The following FAF1 variants were observed in gnomAD, a reference collection of about 807,000 sequenced individuals.
The protein encoded by FAF1 is Fas associated factor 1, also known as FAS-associated factor 1.
Under a neutral mutation model 92.5 loss-of-function variants are expected in FAF1, and 25 were observed. The ratio of observed to expected loss-of-function variants is 0.27; its 90% CI spans 0.20 to 0.38. The LOEUF is 0.38. Ranked by LOEUF, FAF1 falls within the 10% of genes least tolerant of loss-of-function variation. The pLI is 1.00. For missense variants in FAF1, 636 were observed against 793.3 expected (o/e 0.80, Z 2.38); for synonymous variants, 234 against 273.2 (o/e 0.86, Z 1.42).
intron 4 of FAF1, among the ~76,000 whole-genome samples, chr1:50,760,280 A>T (rs1034598509): frequency 6.6e-6 from 1 of 152,192 alleles, no homozygotes; most frequent in Non-Finnish European, 1.5e-5. Flanking sequence ...CAGATCAACG[A>T]GACAGAAAGT....
At chr1:50,746,273 TATATATATATATATATA>T (rs1239313854) in intron 4 of FAF1, among the ~76,000 whole-genome samples, 14 of 19,908 alleles carry the variant, frequency 7.0e-4, no homozygotes, top group African/African-American at 2.9e-3. Context: ...TATATATATA[TATATATATATATATATA>T]TATTTTTTTT....
intron 7 of FAF1, among the ~76,000 whole-genome samples, chr1:50,703,242 T>C (rs1261177842): frequency 6.6e-6 from 1 of 152,130 alleles, no homozygotes; most frequent in Non-Finnish European, 1.5e-5. Flanking sequence ...AACTACAAAA[T>C]AGTTTCACAA....
intron 15 of FAF1, among the ~76,000 whole-genome samples, chr1:50,506,712 T>C (rs1181012592): frequency 1.3e-5 from 2 of 152,224 alleles, no homozygotes; most frequent in African/African-American, 2.4e-5. Context: ...TTACTATACA[T>C]ACCCTTCTAA....
chr1:50,466,178 T>C (rs1026920781), intron 18 of FAF1, among the ~76,000 whole-genome samples: 2 of 152,134 alleles, frequency 1.3e-5, no homozygotes, highest in Non-Finnish European at 2.9e-5. Context: ...GTAGAGGTAG[T>C]GAGAAGTAGA....
intron 2 of FAF1, among the ~76,000 whole-genome samples, chr1:50,840,421 A>T (rs1226419584): frequency 6.6e-6 from 1 of 151,978 alleles, no homozygotes; most frequent in Non-Finnish European, 1.5e-5. Context: ...AGAAAATCCA[A>T]ATATAATGCA....
chr1:50,608,713 G>C (rs990139717), intron 8 of FAF1, among the ~76,000 whole-genome samples: 2 of 152,198 alleles, frequency 1.3e-5, no homozygotes, highest in Non-Finnish European at 2.9e-5. Context: ...ATGTGTCATT[G>C]TAAGGTAACT....
intron 15 of FAF1, among the ~76,000 whole-genome samples, chr1:50,496,811 C>T (rs1453326364): frequency 1.3e-5 from 2 of 151,690 alleles, no homozygotes; most frequent in African/African-American, 4.9e-5. Flanking sequence ...ATTGCTTGAA[C>T]CTGGGAGGAA....
intron 8 of FAF1, 92 bp downstream of exon 8, chr1:50,655,350 G>C (rs1655058915): frequency 1.2e-6 from 1 of 853,384 alleles, no homozygotes; most frequent in Admixed American, 1.8e-5. Flanking sequence ...AAGACTCAAA[G>C]CATTTAATTG....
chr1:50,905,296 T>C (rs1051173863), intron 1 of FAF1, among the ~76,000 whole-genome samples: 3 of 152,234 alleles, frequency 2.0e-5, no homozygotes, highest in African/African-American at 7.2e-5. Flanking sequence ...TTGATGGACA[T>C]TTGGGTTGGT....
At chr1:50,569,044 C>T (rs1470466152) in intron 12 of FAF1, among the ~76,000 whole-genome samples, 1 of 152,088 alleles carries the variant, frequency 6.6e-6, no homozygotes, top group African/African-American at 2.4e-5. Context: ...AAGAAAGACT[C>T]GGGGTTTCTT....
chr1:50,624,963 A>ATC (rs1653427576), intron 8 of FAF1, among the ~76,000 whole-genome samples: 3 of 142,834 alleles, frequency 2.1e-5, no homozygotes, highest in Non-Finnish European at 4.5e-5. Context: ...GTGCAATGGC[A>ATC]TGATCTCGGC....
chr1:50,529,299 G>C (rs1307492188), intron 15 of FAF1, among the ~76,000 whole-genome samples: 1 of 152,128 alleles, frequency 6.6e-6, no homozygotes, highest in Non-Finnish European at 1.5e-5. Flanking sequence ...ATGTAAATCT[G>C]ACAATAACAT....
intron 4 of FAF1, among the ~76,000 whole-genome samples, chr1:50,766,859 A>G (rs1660595243): frequency 1.3e-5 from 2 of 151,674 alleles, no homozygotes; most frequent in South Asian, 4.2e-4. Context: ...TGCTCAGCTC[A>G]TACAGATGAG....
intron 2 of FAF1, among the ~76,000 whole-genome samples, chr1:50,803,456 T>A (rs1340467971): frequency 6.6e-6 from 1 of 152,200 alleles, no homozygotes; most frequent in Non-Finnish European, 1.5e-5. Context: ...CTTATCTGTG[T>A]AATACGTAAT....
chr1:50,887,652 T>G (rs1305233589), intron 1 of FAF1, among the ~76,000 whole-genome samples: 1 of 152,194 alleles, frequency 6.6e-6, no homozygotes, highest in Non-Finnish European at 1.5e-5. Flanking sequence ...CCCCATTTCT[T>G]GTTTTTATCA....
chr1:50,508,345 C>T (rs1370548630), intron 15 of FAF1, among the ~76,000 whole-genome samples: 1 of 152,152 alleles, frequency 6.6e-6, no homozygotes, highest in African/African-American at 2.4e-5. Flanking sequence ...GAATGTCCAG[C>T]TACAGATGAA....
intron 1 of FAF1, among the ~76,000 whole-genome samples, chr1:50,948,534 CTTTTTT>C (rs1167611825): frequency 7.2e-6 from 1 of 139,066 alleles, no homozygotes; most frequent in Non-Finnish European, 1.6e-5. Flanking sequence ...TTTTCTTTTT[CTTTTTT>C]TTTTTTTTTT....
At chr1:50,624,935 CTT>C (rs987130018) in intron 8 of FAF1, among the ~76,000 whole-genome samples, 5 of 126,226 alleles carry the variant, frequency 4.0e-5, no homozygotes, top group African/African-American at 1.5e-4. Flanking sequence ...CAGTTTTGCT[CTT>C]GTTGCCCAGG....
chr1:50,705,419 T>G (rs947387606), intron 7 of FAF1, among the ~76,000 whole-genome samples: 1 of 152,228 alleles, frequency 6.6e-6, no homozygotes, highest in African/African-American at 2.4e-5. Flanking sequence ...ATATAAATAA[T>G]TATTTGAGAG....
Sources: gnomAD v4.1 joint callset for allele counts (sites outside exome capture counted in the v4.1 genomes callset) on GRCh38, gnomAD v4.1.1 for gene constraint, MANE v1.5 for transcripts, NCBI Gene and HGNC (gene_info 2026-07-23, HGNC 2026-07-21) for gene names.